Variants in LONP1 observed in about 807,000 individuals in gnomAD.
The protein encoded by LONP1 is lon peptidase 1, mitochondrial.
In LONP1, 31 loss-of-function variants were observed where a neutral mutation model predicts 98.5. The ratio of observed to expected loss-of-function variants is 0.31; its 90% CI spans 0.24 to 0.42. LONP1 has a LOEUF of 0.42. Among genes scored for constraint, LONP1 ranks in the 20% least tolerant of loss-of-function variants. LONP1 has a pLI of 1.00. For missense variants in LONP1, 1,336 were observed against 1,350.6 expected (o/e 0.99, Z 0.17); for synonymous variants, 781 against 594.7 (o/e 1.31, Z -4.56).
chr19:5,705,431 C>T (rs1174513696), intron 8 of LONP1, among the ~76,000 whole-genome samples: 2 of 140,468 alleles, frequency 1.4e-5, no homozygotes, highest in Non-Finnish European at 1.5e-5. Flanking sequence ...GCACTCCAGT[C>T]TGGACAACTG....
chr19:5,708,132 G>C, intron 5 of LONP1: 1 of 618,278 alleles, frequency 1.6e-6, no homozygotes, highest in Non-Finnish European at 2.8e-6. Context: ...CTCAGCAGAA[G>C]GGGACAAAGA....
At chr19:5,708,533 G>C (rs1001488742) in intron 4 of LONP1, 130 bp from the exon 5 acceptor site, 1 of 690,432 alleles carries the variant, frequency 1.4e-6, no homozygotes, top group Admixed American at 2.2e-5. Flanking sequence ...AACTGGCCCT[G>C]GCCACGGACG....
rs565383463 is a variant in LONP1, at chr19:5,696,474, G to T, written c.1774-103C>A. On this transcript the variant is annotated intron_variant, in intron 11 of 17. Coordinates refer to ENST00000360614, the MANE Select transcript of LONP1 (RefSeq NM_004793.4). Reference sequence around the variant, plus strand: ...GGCTGGGGAGACCCCGAGTGAGAGCGGCACCCACACCCTGCCTTGGACGGG... The same window carrying T: ...GGCTGGGGAGACCCCGAGTGAGAGCTGCACCCACACCCTGCCTTGGACGGG... 4.7e-6 allele frequency: 7 copies of T among 1,479,636 alleles called. No individual in the cohort carries two copies. In the African/African-American group the frequency reaches 9.7e-5, roughly 21 times the overall value. The allele number at this position is 1,479,636 out of a possible 1,614,324, so 91.7% of individuals were successfully genotyped here. A position where few individuals can be genotyped will look rare whatever the true frequency, so the allele number is the denominator to read the frequency against.
chr19:5,707,629 G>T (rs371853813), intron 6 of LONP1, 68 bp downstream of exon 6: 1 of 1,551,842 alleles, frequency 6.4e-7, no homozygotes, highest in Non-Finnish European at 8.8e-7. Flanking sequence ...GCAGCCGGGC[G>T]TGGGCGGAGC....
chr19:5,705,975 C>A lies in LONP1; in HGVS notation c.1164G>T (p.Lys388Asn), dbSNP rs749572515. The A allele has an allele frequency of 1.2e-6, 2 of 1,611,464 alleles. No individual in the cohort carries two copies. The highest frequency in any genetic ancestry group is 2.2e-5 in the South Asian group (2 of 91,068). Reference protein sequence around the residue: ...RLGREVEEKIKQTHRKYLLQE... With the variant: ...RLGREVEEKINQTHRKYLLQE... Reference sequence around the variant, plus strand: ...GCAGCAGGTACTTACGGTGGGTCTGCTTGATCTTCTCCTCCACCTGTGGGG... The same window carrying A: ...GCAGCAGGTACTTACGGTGGGTCTGATTGATCTTCTCCTCCACCTGTGGGG... The change falls in exon 8 of 18, where the codon AAG becomes AAT. Residue 388 changes from lysine (K) to asparagine (N), a missense_variant. Lys to Asn is a moderately conservative substitution (Grantham distance 94). Coordinates refer to ENST00000360614, the MANE Select transcript of LONP1 (RefSeq NM_004793.4).
Position 5,719,863 on chromosome 19 carries a change from C to T in LONP1, c.270G>A (p.Ala90=), listed in dbSNP as rs1418767614. 2 of 1,599,238 alleles carry T rather than the reference C, an allele frequency of 1.3e-6. No individual in the cohort carries two copies. Residue 90 remains alanine (A), a synonymous_variant, in exon 1 of 18, where the codon GCG becomes GCA. Coordinates refer to ENST00000360614, the MANE Select transcript of LONP1 (RefSeq NM_004793.4). The stretch of plus-strand genomic sequence containing the variant: ...CCCCCGCGCCGCCGGCTCCTTCCTC[C>T]GCGCCGCCCTCGGAGGCGTCCTCGC... ...SGGEDASEGG[A]EEGAGGAGGS... is the part of the protein sequence containing the mutation.
intron 13 of LONP1, 46 bp from the exon 14 acceptor site, chr19:5,694,947 C>T (rs374028397): frequency 1.7e-4 from 262 of 1,573,332 alleles, no homozygotes; most frequent in Non-Finnish European, 2.4e-5. Context: ...ACCTTGCCCA[C>T]CAGCTCAGTC....
Position 5,696,685 on chromosome 19 carries a change from C to T in LONP1, c.1758G>A (p.Leu586=), listed in dbSNP as rs776972476. Reference sequence around the variant, plus strand: ...CCGCACGCACCTCGTCGATGAGGATCAGGGGGTTCTCCGTCTTGGTCTTCT... The same window carrying T: ...CCGCACGCACCTCGTCGATGAGGATTAGGGGGTTCTCCGTCTTGGTCTTCT... The part of the protein sequence containing the change: ...CLKKTKTENP[L]ILIDEVDKIG... Residue 586 remains leucine, a synonymous_variant, in exon 11 of 18, where the codon CTG becomes CTA. Coordinates refer to ENST00000360614, the MANE Select transcript of LONP1 (RefSeq NM_004793.4). 1.1e-5 allele frequency: 17 copies of T among 1,613,580 alleles called. No individual in the cohort carries two copies. The highest frequency in any genetic ancestry group is 1.4e-5 in the Non-Finnish European group (17 of 1,179,890).
chr19:5,698,932 T>G, intron 10 of LONP1, 95 bp downstream of exon 10: 1 of 1,307,028 alleles, frequency 7.7e-7, no homozygotes, highest in Admixed American at 2.6e-5. Context: ...ACAACCCGGA[T>G]TGCTCTACCA....
rs962821930 is a variant in LONP1, at chr19:5,719,720, A to C, written c.413T>G (p.Phe138Cys). The change falls in exon 1 of 18, where the codon TTT (phenylalanine) becomes TGT (cysteine). Residue 138 changes from phenylalanine (F) to cysteine (C), a missense_variant. By Grantham distance (205) the Phe-to-Cys change is radical (BLOSUM62 -2). Transcript: ENST00000360614. Reference sequence around the variant, plus strand: ...TCCCATTACCTCGATAATCTTGATAAAGCGCGGGAACACCGGGTTGCGGGT... The same window carrying C: ...TCCCATTACCTCGATAATCTTGATACAGCGCGGGAACACCGGGTTGCGGGT... ...AITRNPVFPR[F>C]IKIIEVKNKK... The C allele has an allele frequency of 2.5e-6, 4 of 1,613,748 alleles. No individual in the cohort carries two copies. The highest frequency in any genetic ancestry group is 1.1e-5 in the South Asian group (1 of 91,090).
chr19:5,704,004 G>A (rs976277241), intron 8 of LONP1, among the ~76,000 whole-genome samples: 7 of 152,204 alleles, frequency 4.6e-5, no homozygotes, highest in Admixed American at 6.5e-5. Flanking sequence ...AGGAGGCGGC[G>A]GCACAGGCCT....
Position 5,699,207 on chromosome 19 carries a change from T to C in LONP1, c.1507-2A>G. On this transcript the variant is annotated splice_acceptor_variant, in intron 9 of 17. Transcript: ENST00000360614. LOFTEE classifies it high-confidence loss of function. Reference sequence around the variant, plus strand: ...GAGCTGGCTAACGGCAATGAACTCCTGCAGACAGAGGCAGGTTCAGTGGGC... The same window carrying C: ...GAGCTGGCTAACGGCAATGAACTCCCGCAGACAGAGGCAGGTTCAGTGGGC... 1 of 1,495,278 alleles carries C rather than the reference T, an allele frequency of 6.7e-7. No homozygotes were observed. The highest frequency in any genetic ancestry group is 2.5e-5 in the East Asian group (1 of 40,528). 92.6% of individuals were successfully genotyped at this position (1,495,278 alleles called of 1,614,324 possible). A position where few individuals can be genotyped will look rare whatever the true frequency, so the allele number is the denominator to read the frequency against.
At position 5,692,195 on chromosome 19, in the gene LONP1, C is replaced by G. The variant is rs769285838; in HGVS notation, c.2717G>C (p.Gly906Ala). The G allele has an allele frequency of 1.2e-6, 2 of 1,612,828 alleles. No individual in the cohort carries two copies. The highest frequency in any genetic ancestry group is 1.7e-6 in the Non-Finnish European group (2 of 1,179,192). The change falls in exon 18 of 18, where the codon GGG becomes GCG. Residue 906 changes from glycine (G) to alanine (A), a missense_variant. Physicochemically the swap from Gly to Ala is moderately conservative, Grantham distance 60. This residue lies in a region of LONP1 where 555 missense variants were observed against 542.6 expected (regional missense o/e 1.02). Coordinates refer to ENST00000360614, the MANE Select transcript of LONP1 (RefSeq NM_004793.4). The stretch of plus-strand genomic sequence containing the variant: ...GGCTGGCAGGACGATGCACGTCACC[C>G]CTGCGCGCTTGGCCTGGGGGCAGAG... ...KEKTIAAKRA[G>A]VTCIVLPAEN...
intron 17 of LONP1, 163 bp from the exon 18 acceptor site, chr19:5,692,371 G>T (rs1215267994): frequency 3.2e-6 from 2 of 618,840 alleles, no homozygotes; most frequent in Non-Finnish European, 5.3e-6. Flanking sequence ...CTCCCACGGG[G>T]AAACAGGCTC....
In LONP1 at chr19:5,698,847, G is replaced by A. The variant is rs116221617; in HGVS notation, c.1685+180C>T. ...TCCTGCCAGCGCTGTTTGAGCACCTGGAATCAGCTGGGCCTGAAGTCCGCC... is the reference window on the plus strand; with the variant it reads ...TCCTGCCAGCGCTGTTTGAGCACCTAGAATCAGCTGGGCCTGAAGTCCGCC... On this transcript the variant is annotated intron_variant, in intron 10 of 17. Coordinates refer to ENST00000360614, the MANE Select transcript of LONP1 (RefSeq NM_004793.4). Among the ~76,000 whole-genome samples the A allele has an allele frequency of 5.9e-3, 902 of 152,350 alleles. 5 individuals carry two copies. Among genetic ancestry groups the A allele is most frequent in the African/African-American group, 0.021 (871 of 41,582 alleles).
Position 5,700,756 on chromosome 19 carries a change from G to A in LONP1, c.1506+33C>T, listed in dbSNP as rs182441207. 4.3e-6 allele frequency: 7 copies of A among 1,612,470 alleles called. No homozygotes were observed. In the Admixed American group the frequency reaches 1.2e-4, roughly 27 times the overall value. Reference sequence around the variant, plus strand: ...GAGTCCTGGGCCCGGGCACCCACATGCAAATCCACAACAGGCCAGACACTG... The same window carrying A: ...GAGTCCTGGGCCCGGGCACCCACATACAAATCCACAACAGGCCAGACACTG... On this transcript the variant is annotated intron_variant, in intron 9 of 17. Coordinates refer to ENST00000360614, the MANE Select transcript of LONP1 (RefSeq NM_004793.4).
At chr19:5,716,632 T>C (rs1407293599) in intron 1 of LONP1, among the ~76,000 whole-genome samples, 1 of 151,478 alleles carries the variant, frequency 6.6e-6, no homozygotes, top group Non-Finnish European at 1.5e-5. Context: ...CTGTTATAAG[T>C]AAAATGTTTG....
Position 5,719,714 on chromosome 19 carries a change from T to C in LONP1, c.419A>G (p.Lys140Arg), listed in dbSNP as rs2055396824. 6.2e-7 allele frequency: 1 copy of C among 1,613,848 alleles called. No homozygotes were observed. The highest frequency in any genetic ancestry group is 8.5e-7 in the Non-Finnish European group (1 of 1,180,020). ...TRNPVFPRFI[K>R]IIEVKNKKLV... ...GGGGACTCCCATTACCTCGATAATC[T>C]TGATAAAGCGCGGGAACACCGGGTT... The change falls in exon 1 of 18, where the codon AAG (lysine) becomes AGG (arginine). Residue 140 changes from lysine (K) to arginine (R), a missense_variant. By Grantham distance (26) the Lys-to-Arg change is conservative (BLOSUM62 2). This residue lies in a region of LONP1 where 457 missense variants were observed against 403.1 expected (regional missense o/e 1.13). Transcript: ENST00000360614.
At chr19:5,708,467 G>C in intron 4 of LONP1, 64 bp from the exon 5 acceptor site, 2 of 700,856 alleles carry the variant, frequency 2.9e-6, no homozygotes, top group Non-Finnish European at 2.5e-6. Context: ...GGGCTGGGTG[G>C]GAGCATGGCC....
Sources: allele counts gnomAD v4.1 joint callset (sites outside exome capture counted in the v4.1 genomes callset), GRCh38; gene constraint gnomAD v4.1.1; regional missense constraint gnomAD v4.1.1; transcripts MANE v1.5; gene names NCBI Gene and HGNC (gene_info 2026-07-23, HGNC 2026-07-21).